ADAMTS19: variants seen among roughly 807,000 people sequenced by gnomAD.
ADAMTS19 encodes the protein A disintegrin and metalloproteinase with thrombospondin motifs 19.
In ADAMTS19, 93 loss-of-function variants were observed where a neutral mutation model predicts 153.3. The observed-to-expected ratio is 0.61, with a 90% CI of 0.51 to 0.72. ADAMTS19 has a LOEUF of 0.72. Among genes scored for constraint, ADAMTS19 ranks in the 30% least tolerant of loss-of-function variants. The probability of loss-of-function intolerance (pLI) is 0.00; values close to 1 mark genes in which losing one functional copy is unlikely to be tolerated. For synonymous variants in ADAMTS19, 600 were observed against 556.6 expected, an observed-to-expected ratio of 1.08 and a Z score of -1.10; for missense variants, 1,482 against 1,552.1, an observed-to-expected ratio of 0.95 and a Z score of 0.76.
intron 7 of ADAMTS19, among the ~76,000 whole-genome samples, chr5:129,559,610 G>C (rs1190081901): frequency 6.6e-6 from 1 of 152,136 alleles, no homozygotes; most frequent in Non-Finnish European, 1.5e-5. Flanking sequence ...AGTAAAACTG[G>C]CATTTGTACA....
At chr5:129,720,279 C>A (rs925604491) in intron 21 of ADAMTS19, among the ~76,000 whole-genome samples, 2 of 150,938 alleles carry the variant, frequency 1.3e-5, no homozygotes, top group Non-Finnish European at 2.9e-5. Flanking sequence ...TCAAGCGATT[C>A]TTGTTCCTCA....
At chr5:129,702,367 A>G (rs1755913878) in intron 20 of ADAMTS19, among the ~76,000 whole-genome samples, 1 of 152,210 alleles carries the variant, frequency 6.6e-6, no homozygotes, top group Non-Finnish European at 1.5e-5. Context: ...TCACACATGT[A>G]CCAACACACC....
intron 3 of ADAMTS19, among the ~76,000 whole-genome samples, chr5:129,511,779 G>A (rs982021585): frequency 1.3e-5 from 2 of 151,778 alleles, no homozygotes; most frequent in African/African-American, 2.4e-5. Flanking sequence ...CTGTGATCTT[G>A]GGAAGTTTAC....
chr5:129,671,585 T>A (rs1304218933), intron 16 of ADAMTS19, among the ~76,000 whole-genome samples: 1 of 152,180 alleles, frequency 6.6e-6, no homozygotes, highest in African/African-American at 2.4e-5. Context: ...TTAAAGAAAT[T>A]AACCTGTCTA....
At chr5:129,656,665 G>C (rs2127060914) in intron 14 of ADAMTS19, among the ~76,000 whole-genome samples, 1 of 152,308 alleles carries the variant, frequency 6.6e-6, no homozygotes, top group South Asian at 2.1e-4. Context: ...ATTTTGATAT[G>C]TGTGCATACT....
chr5:129,720,833 C>T (rs1756974493), intron 21 of ADAMTS19, among the ~76,000 whole-genome samples: 1 of 152,188 alleles, frequency 6.6e-6, no homozygotes, highest in Non-Finnish European at 1.5e-5. Context: ...GCCTACGTTG[C>T]TTCTTGGACT....
intron 8 of ADAMTS19, among the ~76,000 whole-genome samples, chr5:129,618,205 A>C (rs555337310): frequency 3.5e-4 from 54 of 152,160 alleles, no homozygotes; most frequent in Middle Eastern, 3.4e-3. Flanking sequence ...TATTTCATAT[A>C]ATCTCTTATT....
intron 7 of ADAMTS19, among the ~76,000 whole-genome samples, chr5:129,586,902 T>G (rs1593168): frequency 0.76 from 115,267 of 152,006 alleles, 45,415 homozygotes; most frequent in Non-Finnish European, 0.88. Flanking sequence ...CATTTAATGA[T>G]TAATTCTCAA....
chr5:129,592,045 C>T (rs1440639744), intron 7 of ADAMTS19, among the ~76,000 whole-genome samples: 1 of 151,888 alleles, frequency 6.6e-6, no homozygotes, highest in Non-Finnish European at 1.5e-5. Context: ...AATGAGAAGG[C>T]TGTTTTTGTT....
Position 129,648,915 on chromosome 5 carries a change from T to G in ADAMTS19, c.2121T>G (p.Ser707Arg). The G allele has an allele frequency of 1.2e-6, 2 of 1,613,138 alleles. No homozygotes were observed. The highest frequency in any genetic ancestry group is 1.7e-6 in the Non-Finnish European group (2 of 1,179,354). Residue 707 changes from serine to arginine, a missense_variant, in exon 13 of 23, where the codon AGT becomes AGG. This residue lies in a region of ADAMTS19 where 616 missense variants were observed against 724.4 expected (regional missense o/e 0.85). Transcript: ENST00000274487. ...GAGACTGGCAATGTCAGGCTTATAG[T>G]GTTAGAACTTCCTCCCCAAAGCATA... ...GFRDWQCQAYSVRTSSPKHIL... is the reference protein window; with the variant it reads ...GFRDWQCQAYRVRTSSPKHIL...
At chr5:129,641,782 CT>C (rs1581176013) in intron 10 of ADAMTS19, 76 bp from the exon 11 acceptor site, 1 of 839,516 alleles carries the variant, frequency 1.2e-6, no homozygotes, top group East Asian at 2.8e-5. Flanking sequence ...ATCAAAATAG[CT>C]TTCTTAACAA....
At chr5:129,714,678 A>G (rs921591770) in intron 21 of ADAMTS19, among the ~76,000 whole-genome samples, 3 of 152,134 alleles carry the variant, frequency 2.0e-5, no homozygotes, top group African/African-American at 2.4e-5. Context: ...CAGCACTTCT[A>G]ATATTGGATG....
At chr5:129,470,890 A>C (rs73787510) in intron 2 of ADAMTS19, among the ~76,000 whole-genome samples, 2,908 of 152,090 alleles carry the variant, frequency 0.019, 77 homozygotes, top group African/African-American at 0.065. Flanking sequence ...CCTTGAGCAC[A>C]TTCAAAGGAT....
intron 2 of ADAMTS19, among the ~76,000 whole-genome samples, chr5:129,492,544 T>C: frequency 6.6e-6 from 1 of 151,896 alleles, no homozygotes; most frequent in East Asian, 1.9e-4. Context: ...TGTGTATATA[T>C]GTATGTATGT....
chr5:129,691,548 A>G (rs1486757500), intron 18 of ADAMTS19, among the ~76,000 whole-genome samples: 1 of 152,188 alleles, frequency 6.6e-6, no homozygotes, highest in African/African-American at 2.4e-5. Context: ...TAACATTTCC[A>G]TATGGCTTTA....
At chr5:129,710,629 C>G (rs1756406707) in intron 21 of ADAMTS19, among the ~76,000 whole-genome samples, 1 of 152,124 alleles carries the variant, frequency 6.6e-6, no homozygotes, top group Admixed American at 6.5e-5. Context: ...ATAGGAACAC[C>G]TTTACACTGC....
intron 2 of ADAMTS19, among the ~76,000 whole-genome samples, chr5:129,491,429 G>C (rs1443892752): frequency 6.6e-6 from 1 of 152,100 alleles, no homozygotes; most frequent in Non-Finnish European, 1.5e-5. Flanking sequence ...AAAGCATTCT[G>C]TTATTGTTTC....
chr5:129,702,276 T>C (rs1271575629), intron 20 of ADAMTS19, among the ~76,000 whole-genome samples: 1 of 152,216 alleles, frequency 6.6e-6, no homozygotes, highest in Non-Finnish European at 1.5e-5. Flanking sequence ...ACTCATGACT[T>C]ACACTTAGTG....
chr5:129,618,607 T>C (rs895872113), intron 8 of ADAMTS19, among the ~76,000 whole-genome samples: 2 of 152,022 alleles, frequency 1.3e-5, no homozygotes, highest in Non-Finnish European at 2.9e-5. Flanking sequence ...TTATTTTGAT[T>C]TGCAGAAACA....
Sources: gnomAD v4.1 joint callset for allele counts (sites outside exome capture counted in the v4.1 genomes callset) on GRCh38, gnomAD v4.1.1 for gene constraint, gnomAD v4.1.1 regional missense constraint, MANE v1.5 for transcripts, NCBI Gene and HGNC (gene_info 2026-07-23, HGNC 2026-07-21) for gene names.